PPA2: variants seen among roughly 807,000 people sequenced by gnomAD.
The protein encoded by PPA2 is inorganic pyrophosphatase 2.
In PPA2, 48 loss-of-function variants were observed where a neutral mutation model predicts 49.5. The ratio of observed to expected loss-of-function variants is 0.97; its 90% confidence interval spans 0.77 to 1.23. PPA2 has a LOEUF of 1.23. PPA2 is among the 50% of genes most tolerant of loss of function. The probability of loss-of-function intolerance (pLI) is 0.00; values close to 1 mark genes in which losing one functional copy is unlikely to be tolerated. For missense variants in PPA2, 429 were observed against 410.1 expected, an observed-to-expected ratio of 1.05 and a Z score of -0.40; for synonymous variants, 131 against 139.9, an observed-to-expected ratio of 0.94 and a Z score of 0.45.
intron 7 of PPA2, among the ~76,000 whole-genome samples, chr4:105,407,445 T>C (rs1200477953): frequency 6.6e-6 from 1 of 152,200 alleles, no homozygotes; most frequent in African/African-American, 2.4e-5. Context: ...TCTTACAATG[T>C]TAAACATATA....
chr4:105,381,447 AC>A (rs1733484089), intron 10 of PPA2, among the ~76,000 whole-genome samples: 1 of 151,866 alleles, frequency 6.6e-6, no homozygotes, highest in African/African-American at 2.4e-5. Context: ...TTTTAGAATC[AC>A]CCTGTGAGGT....
chr4:105,384,684 C>A (rs1348910448), intron 10 of PPA2, among the ~76,000 whole-genome samples: 1 of 152,144 alleles, frequency 6.6e-6, no homozygotes, highest in Non-Finnish European at 1.5e-5. Context: ...AAACTGATAA[C>A]TTGGAGAAAA....
intron 7 of PPA2, among the ~76,000 whole-genome samples, chr4:105,413,375 G>A (rs1360491444): frequency 1.3e-5 from 2 of 152,050 alleles, no homozygotes; most frequent in East Asian, 3.9e-4. Context: ...TGTAAATGAC[G>A]AGTTGATGGG....
chr4:105,375,447 TA>T (rs2110361306), intron 10 of PPA2, among the ~76,000 whole-genome samples: 1 of 152,108 alleles, frequency 6.6e-6, no homozygotes, highest in African/African-American at 2.4e-5. Context: ...GGGTCATAAA[TA>T]AAACAAATCT....
At chr4:105,450,931 G>T (rs1005882707) in intron 3 of PPA2, among the ~76,000 whole-genome samples, 8 of 152,038 alleles carry the variant, frequency 5.3e-5, no homozygotes, top group African/African-American at 9.7e-5. Flanking sequence ...GATTCATGTT[G>T]ATTGCATTTT....
intron 9 of PPA2, among the ~76,000 whole-genome samples, chr4:105,394,663 A>C (rs1228549049): frequency 6.6e-6 from 1 of 152,194 alleles, no homozygotes; most frequent in Non-Finnish European, 1.5e-5. Context: ...ATGATTCCAG[A>C]GCTTAGAAAT....
At chr4:105,441,220 G>C (rs1386254927) in intron 5 of PPA2, among the ~76,000 whole-genome samples, 1 of 152,122 alleles carries the variant, frequency 6.6e-6, no homozygotes, top group Non-Finnish European at 1.5e-5. Flanking sequence ...CAAAAGATTA[G>C]CTTCCAGACT....
intron 7 of PPA2, among the ~76,000 whole-genome samples, chr4:105,421,975 G>A (rs1436422138): frequency 5.9e-5 from 9 of 152,014 alleles, no homozygotes; most frequent in Admixed American, 3.9e-4. Context: ...CCTAGGAGGC[G>A]GTGGTTGCAG....
chr4:105,437,894 T>C, intron 6 of PPA2, 56 bp downstream of exon 6: 3 of 1,373,588 alleles, frequency 2.2e-6, no homozygotes, highest in Non-Finnish European at 3.0e-6. Context: ...AATGAAATTT[T>C]ATGGCATGAA....
intron 2 of PPA2, among the ~76,000 whole-genome samples, chr4:105,454,805 G>A (rs1048031525): frequency 6.6e-6 from 1 of 151,946 alleles, no homozygotes; most frequent in African/African-American, 2.4e-5. Flanking sequence ...CATCAATTTT[G>A]CCTAATCTCT....
chr4:105,370,598 A>T, intron 11 of PPA2: 7 of 979,838 alleles, frequency 7.1e-6, no homozygotes, highest in Non-Finnish European at 8.5e-6. Context: ...GCGAAAAAAA[A>T]AGTCACCGTA....
intron 7 of PPA2, among the ~76,000 whole-genome samples, chr4:105,413,480 G>T (rs537922217): frequency 2.6e-5 from 4 of 152,028 alleles, no homozygotes; most frequent in Non-Finnish European, 4.4e-5. Flanking sequence ...AGAAAAAAAA[G>T]AATAAAGGCA....
At chr4:105,400,297 T>C (rs902832771) in intron 7 of PPA2, among the ~76,000 whole-genome samples, 4 of 152,112 alleles carry the variant, frequency 2.6e-5, no homozygotes, top group African/African-American at 9.7e-5. Context: ...AAAAAAATCT[T>C]TTAGTCTACT....
intron 5 of PPA2, among the ~76,000 whole-genome samples, chr4:105,439,945 T>A (rs1724268644): frequency 6.7e-6 from 1 of 150,324 alleles, no homozygotes; most frequent in South Asian, 2.1e-4. Context: ...TTTGGTTTTT[T>A]GTCCTTGAGA....
chr4:105,404,630 G>A (rs778177152), intron 7 of PPA2, among the ~76,000 whole-genome samples: 177 of 152,218 alleles, frequency 1.2e-3, no homozygotes, highest in Admixed American at 1.6e-3. Context: ...AGGTTGTCAT[G>A]GGGATTAAAT....
chr4:105,388,761 G>T (rs955763221), intron 9 of PPA2, among the ~76,000 whole-genome samples: 4 of 150,082 alleles, frequency 2.7e-5, no homozygotes, highest in African/African-American at 7.4e-5. Flanking sequence ...GGTGGTGGAG[G>T]TTGCAGTGAG....
At chr4:105,426,305 T>C (rs1723504809) in intron 6 of PPA2, among the ~76,000 whole-genome samples, 2 of 152,142 alleles carry the variant, frequency 1.3e-5, no homozygotes, top group South Asian at 4.2e-4. Flanking sequence ...CAAACTGAGG[T>C]ACCTGGTTCA....
chr4:105,370,191 C>G (rs935719120), intron 11 of PPA2, among the ~76,000 whole-genome samples: 4 of 152,176 alleles, frequency 2.6e-5, no homozygotes, highest in Non-Finnish European at 4.4e-5. Flanking sequence ...GAAATCATGT[C>G]TATGGATTTA....
Position 105,444,198 on chromosome 4 carries a change from G to A in PPA2, c.441+2185C>T, listed in dbSNP as rs572529564. On this transcript the variant is annotated intron_variant, in intron 5 of 11. Coordinates refer to ENST00000341695, the MANE Select transcript of PPA2 (RefSeq NM_176869.3). ...GAACAGTTTGGTGAAGGCCTGGTGAGGACACAATGAGGTAAGTTAGAAACA... is the reference window on the plus strand; with the variant it reads ...GAACAGTTTGGTGAAGGCCTGGTGAAGACACAATGAGGTAAGTTAGAAACA... Among the ~76,000 whole-genome samples, 65 of 152,282 alleles carry A rather than the reference G, an allele frequency of 4.3e-4. 1 individual carries two copies. In the South Asian group the frequency reaches 0.013, roughly 30 times the overall value.
Sources: gnomAD v4.1 joint callset for allele counts (sites outside exome capture counted in the v4.1 genomes callset) on GRCh38, gnomAD v4.1.1 for gene constraint, MANE v1.5 for transcripts, NCBI Gene and HGNC (gene_info 2026-07-23, HGNC 2026-07-21) for gene names.